The following ACTR3C variants were observed in gnomAD, a reference collection of about 807,000 sequenced individuals.
The protein encoded by ACTR3C is actin-related protein 3C.
A neutral mutation model predicts 26.3 loss-of-function variants in ACTR3C; 18 were observed. That is an observed-to-expected ratio of 0.68 (90% CI 0.47 to 1.01). ACTR3C has a LOEUF of 1.01. Ranked by LOEUF, ACTR3C falls within the 50% of genes least tolerant of loss-of-function variation. The pLI is 0.00. For synonymous variants in ACTR3C, 55 were observed against 94.5 expected, an observed-to-expected ratio of 0.58 and a Z score of 2.42; for missense variants, 184 against 250.7, an observed-to-expected ratio of 0.73 and a Z score of 1.80.
At chr7:150,011,784 C>A in the ACTR3C span, among the ~76,000 whole-genome samples, 1 of 152,176 alleles carries the variant, frequency 6.6e-6, no homozygotes, top group African/African-American at 2.4e-5. Context: ...AGTAGTACAA[C>A]AAAGAACTTA....
At chr7:150,058,529 C>T in the ACTR3C span, among the ~76,000 whole-genome samples, 2 of 152,168 alleles carry the variant, frequency 1.3e-5, no homozygotes, top group Non-Finnish European at 2.9e-5. Context: ...AGGGACCCCT[C>T]CCCTGGCCTG....
the ACTR3C span, among the ~76,000 whole-genome samples, chr7:150,120,296 C>G: frequency 6.6e-6 from 1 of 152,048 alleles, no homozygotes; most frequent in Non-Finnish European, 1.5e-5. Flanking sequence ...AATCCAGGAG[C>G]TGGTTTTTTC....
intron 6 of ACTR3C, among the ~76,000 whole-genome samples, chr7:150,253,898 G>GT (rs994874603): frequency 2.1e-5 from 3 of 145,594 alleles, no homozygotes; most frequent in Non-Finnish European, 3.0e-5. Flanking sequence ...GCTAAGTACA[G>GT]TTTTTTTTCG....
the ACTR3C span, among the ~76,000 whole-genome samples, chr7:150,138,164 G>C: frequency 1.3e-5 from 2 of 152,180 alleles, no homozygotes; most frequent in Non-Finnish European, 2.9e-5. Flanking sequence ...GCATGATGGT[G>C]GGTGGTTGTG....
chr7:149,885,683 C>T, the ACTR3C span, among the ~76,000 whole-genome samples: 10 of 152,262 alleles, frequency 6.6e-5, no homozygotes, highest in Admixed American at 2.0e-4. Flanking sequence ...ACCTGGGACA[C>T]ACTGGGGTGG....
chr7:149,923,912 G>A, the ACTR3C span, among the ~76,000 whole-genome samples: 2 of 151,886 alleles, frequency 1.3e-5, no homozygotes. Flanking sequence ...GCAAAGAACT[G>A]CCTGAACCCA....
chr7:150,313,993 A>G (rs192309069), intron 1 of ACTR3C, among the ~76,000 whole-genome samples: 4 of 152,356 alleles, frequency 2.6e-5, no homozygotes, highest in African/African-American at 9.6e-5. Flanking sequence ...GGCCATGCAC[A>G]GGACGGAGCT....
chr7:149,967,453 T>C, the ACTR3C span, among the ~76,000 whole-genome samples: 10 of 152,166 alleles, frequency 6.6e-5, no homozygotes, highest in African/African-American at 2.4e-4. Context: ...ATTACAGGTG[T>C]TTGCCACCGT....
chr7:150,041,906 G>A, the ACTR3C span, among the ~76,000 whole-genome samples: 2 of 91,884 alleles, frequency 2.2e-5, no homozygotes, highest in African/African-American at 3.2e-5. Flanking sequence ...GGGGTCCTCA[G>A]AGCCAGGGGG....
At chr7:150,301,986 C>T (rs1158626034) in intron 1 of ACTR3C, among the ~76,000 whole-genome samples, 2 of 151,946 alleles carry the variant, frequency 1.3e-5, no homozygotes, top group African/African-American at 2.4e-5. Flanking sequence ...CCAAGCTGTA[C>T]ATTCAAAAAT....
At chr7:150,028,162 G>A in the ACTR3C span, among the ~76,000 whole-genome samples, 41 of 152,350 alleles carry the variant, frequency 2.7e-4, no homozygotes, top group African/African-American at 9.4e-4. Context: ...TCAGAATATG[G>A]AAATCATCTG....
At chr7:150,321,895 G>A (rs1044512883) in intron 1 of ACTR3C, among the ~76,000 whole-genome samples, 14 of 152,234 alleles carry the variant, frequency 9.2e-5, no homozygotes, top group African/African-American at 3.4e-4. Context: ...GAAAGATATG[G>A]GAAAAGCTGA....
chr7:150,137,937 G>A, the ACTR3C span, among the ~76,000 whole-genome samples: 1 of 152,192 alleles, frequency 6.6e-6, no homozygotes, highest in Non-Finnish European at 1.5e-5. Context: ...GTGATTCTTA[G>A]GCTTCTAGAT....
At chr7:149,985,864 A>G in the ACTR3C span, among the ~76,000 whole-genome samples, 3 of 152,322 alleles carry the variant, frequency 2.0e-5, no homozygotes, top group South Asian at 6.2e-4. Context: ...CCACAGACAT[A>G]GCAGATACAT....
the ACTR3C span, among the ~76,000 whole-genome samples, chr7:149,919,414 T>C: frequency 1.3e-5 from 2 of 151,950 alleles, no homozygotes; most frequent in African/African-American, 2.4e-5. Flanking sequence ...CTAATTTTTG[T>C]ATTTTTAGTA....
At chr7:150,049,407 C>T in the ACTR3C span, among the ~76,000 whole-genome samples, 1 of 152,238 alleles carries the variant, frequency 6.6e-6, no homozygotes. Flanking sequence ...GAGGGGGGAA[C>T]CTGTGAGACC....
the ACTR3C span, among the ~76,000 whole-genome samples, chr7:149,946,522 C>A: frequency 1.3e-5 from 2 of 152,198 alleles, no homozygotes; most frequent in Admixed American, 1.3e-4. Flanking sequence ...GCAGGCGAGT[C>A]CCCCTGTTCT....
chr7:150,299,382 TC>T (rs1312409099), intron 1 of ACTR3C, among the ~76,000 whole-genome samples: 1 of 132,450 alleles, frequency 7.6e-6, no homozygotes, highest in Non-Finnish European at 1.5e-5. Context: ...GCCCAGGAGG[TC>T]GAGGCTGTCT....
chr7:150,318,051 T>C (rs1032323044), intron 1 of ACTR3C, among the ~76,000 whole-genome samples: 3 of 152,176 alleles, frequency 2.0e-5, no homozygotes, highest in Non-Finnish European at 4.4e-5. Flanking sequence ...TGGGATGATG[T>C]CGGGAAGTAG....
Sources: allele counts gnomAD v4.1 joint callset (sites outside exome capture counted in the v4.1 genomes callset), GRCh38; gene constraint gnomAD v4.1.1; transcripts MANE v1.5; gene names NCBI Gene and HGNC (gene_info 2026-07-23, HGNC 2026-07-21).